The following ZNF407 variants were observed in gnomAD, a reference collection of about 807,000 sequenced individuals.
ZNF407 encodes zinc finger protein 407.
A neutral mutation model predicts 131.2 loss-of-function variants in ZNF407; 17 were observed. The ratio of observed to expected loss-of-function variants is 0.13; its 90% confidence interval spans 0.09 to 0.19. The LOEUF (loss-of-function observed/expected upper bound fraction) is 0.19, where lower values mean the gene tolerates loss of function less well. ZNF407 is among the 10% of genes least tolerant of loss of function. The pLI is 1.00. For synonymous variants in ZNF407, 1,156 were observed against 1,062.0 expected (o/e 1.09, Z -1.72); for missense variants, 2,681 against 2,830.6 (o/e 0.95, Z 1.20).
chr18:74,961,790 G>T (rs1972348545), intron 8 of ZNF407, among the ~76,000 whole-genome samples: 1 of 151,872 alleles, frequency 6.6e-6, no homozygotes, highest in Non-Finnish European at 1.5e-5. Context: ...TTTTAGCTGG[G>T]TTGAGAAATG....
At chr18:74,601,101 A>C (rs1376219107) in intron 1 of ZNF407, among the ~76,000 whole-genome samples, 1 of 152,140 alleles carries the variant, frequency 6.6e-6, no homozygotes, top group African/African-American at 2.4e-5. Flanking sequence ...GGACAAGTCA[A>C]GGTGGACACT....
intron 8 of ZNF407, among the ~76,000 whole-genome samples, chr18:74,958,509 G>A (rs1296650025): frequency 1.3e-5 from 2 of 152,052 alleles, no homozygotes; most frequent in Admixed American, 1.3e-4. Context: ...TGAGGAGCCC[G>A]CCGTGCACAC....
At chr18:74,945,327 T>C (rs902110817) in intron 8 of ZNF407, among the ~76,000 whole-genome samples, 1 of 152,220 alleles carries the variant, frequency 6.6e-6, no homozygotes, top group Non-Finnish European at 1.5e-5. Flanking sequence ...GTCCTATAAA[T>C]ATATTTTAGG....
intron 4 of ZNF407, among the ~76,000 whole-genome samples, chr18:74,852,431 A>G (rs1390899298): frequency 2.4e-4 from 36 of 152,124 alleles, no homozygotes; most frequent in Non-Finnish European, 2.9e-5. Context: ...CACATTTGTA[A>G]GTTAAATTTG....
intron 8 of ZNF407, 200 bp downstream of exon 8, chr18:74,920,892 T>A (rs1289653332): frequency 8.1e-7 from 1 of 1,237,740 alleles, no homozygotes; most frequent in Non-Finnish European, 1.0e-6. Context: ...CTGTATTTTA[T>A]CAAAAAAGGA....
At position 74,649,036 on chromosome 18, in the gene ZNF407, A is replaced by G. The variant is rs564827761; in HGVS notation, c.4802+7914A>G. Among the ~76,000 whole-genome samples the G allele has an allele frequency of 2.2e-4, 33 of 152,328 alleles. No individual in the cohort carries two copies. The South Asian group carries it at 3.9e-3, about 18-fold the overall frequency. On this transcript the variant is annotated intron_variant, in intron 3 of 8. Coordinates refer to ENST00000299687, the MANE Select transcript of ZNF407 (RefSeq NM_017757.3). ...CTCTTTCCCCTGCCTTAGCATTAGT[A>G]TACCAAAGTCTGTTGTCTAAGTAGC...
chr18:74,699,797 G>C (rs535228697), intron 3 of ZNF407, among the ~76,000 whole-genome samples: 1 of 152,280 alleles, frequency 6.6e-6, no homozygotes, highest in East Asian at 1.9e-4. Context: ...CATACTTTAA[G>C]TAATAGGTCC....
intron 8 of ZNF407, among the ~76,000 whole-genome samples, chr18:74,946,220 A>G (rs1420138429): frequency 6.6e-6 from 1 of 152,240 alleles, no homozygotes; most frequent in African/African-American, 2.4e-5. Flanking sequence ...ATTTACTCCA[A>G]TTTAGAGAAT....
rs535884293 is a variant in ZNF407 at position 74,629,741 on chromosome 18, C to T, written c.-53-1226C>T. On this transcript the variant is annotated intron_variant, in intron 1 of 8. Transcript: ENST00000299687. ...TGTCATTAGCCTTGAGACTATAATA[C>T]GTTGATGCCTTTTTATTAACGTGGA... 2.7e-4 allele frequency among the ~76,000 whole-genome samples: 41 copies of T among 152,234 alleles called. No individual in the cohort carries two copies. In the South Asian group the frequency reaches 6.8e-3, roughly 25 times the overall value.
intron 4 of ZNF407, among the ~76,000 whole-genome samples, chr18:74,836,253 C>T (rs1389618118): frequency 6.6e-6 from 1 of 152,162 alleles, no homozygotes; most frequent in Non-Finnish European, 1.5e-5. Context: ...CTCAGTGATC[C>T]CTGCCTCTTA....
At chr18:74,751,595 T>C (rs548848990) in intron 3 of ZNF407, among the ~76,000 whole-genome samples, 43 of 152,162 alleles carry the variant, frequency 2.8e-4, no homozygotes, top group Non-Finnish European at 5.1e-4. Flanking sequence ...ATTGTTCAAT[T>C]CCCACCTATG....
intron 3 of ZNF407, among the ~76,000 whole-genome samples, chr18:74,761,245 T>G (rs1969088615): frequency 6.6e-6 from 1 of 152,198 alleles, no homozygotes; most frequent in South Asian, 2.1e-4. Context: ...AAAGGAGCAT[T>G]GTACAATAAA....
At chr18:75,032,822 C>T (rs1447686095) in intron 8 of ZNF407, among the ~76,000 whole-genome samples, 7 of 104,752 alleles carry the variant, frequency 6.7e-5, no homozygotes, top group South Asian at 3.1e-4. Context: ...TGGGGGAAGA[C>T]AGTATTAGAT....
At chr18:75,045,641 C>G (rs1379780426) in intron 8 of ZNF407, among the ~76,000 whole-genome samples, 1 of 152,202 alleles carries the variant, frequency 6.6e-6, no homozygotes, top group East Asian at 1.9e-4. Context: ...TGGGGGCATC[C>G]ATTGATCCAC....
At chr18:74,753,266 G>C (rs1021049174) in intron 3 of ZNF407, among the ~76,000 whole-genome samples, 12 of 151,226 alleles carry the variant, frequency 7.9e-5, no homozygotes, top group Admixed American at 2.6e-4. Context: ...TTGCTTATCA[G>C]CTTAAGTTTT....
chr18:74,866,265 G>A (rs1019869188), intron 4 of ZNF407, among the ~76,000 whole-genome samples: 4 of 152,186 alleles, frequency 2.6e-5, no homozygotes, highest in African/African-American at 7.2e-5. Context: ...GAAGTGTAGT[G>A]TAACTGCGGC....
At chr18:74,670,607 G>A (rs1302973623) in intron 3 of ZNF407, among the ~76,000 whole-genome samples, 1 of 152,152 alleles carries the variant, frequency 6.6e-6, no homozygotes, top group Non-Finnish European at 1.5e-5. Flanking sequence ...TGTGACTTAG[G>A]ATAAGGAAAT....
intron 8 of ZNF407, among the ~76,000 whole-genome samples, chr18:74,969,005 C>T (rs963429903): frequency 1.3e-5 from 2 of 152,182 alleles, no homozygotes; most frequent in South Asian, 4.1e-4. Flanking sequence ...GTCTTCTTCC[C>T]TCAGGTTTGC....
At chr18:74,953,061 G>A (rs1473403683) in intron 8 of ZNF407, among the ~76,000 whole-genome samples, 13 of 152,110 alleles carry the variant, frequency 8.5e-5, no homozygotes, top group Non-Finnish European at 1.3e-4. Flanking sequence ...ATAGAATGAC[G>A]GTGAGCAAGA....
Sources: allele counts gnomAD v4.1 joint callset (sites outside exome capture counted in the v4.1 genomes callset), GRCh38; gene constraint gnomAD v4.1.1; transcripts MANE v1.5; gene names NCBI Gene and HGNC (gene_info 2026-07-23, HGNC 2026-07-21).